Variants in KIF13B observed in about 807,000 individuals in gnomAD.
The protein encoded by KIF13B is kinesin-like protein KIF13B.
KIF13B carries 127 observed loss-of-function variants against 222.0 expected under a neutral mutation model. That is an observed-to-expected ratio of 0.57 (90% CI 0.50 to 0.66). The LOEUF (loss-of-function observed/expected upper bound fraction) is 0.66. Ranked by LOEUF, KIF13B falls within the 30% of genes least tolerant of loss-of-function variation. The pLI is 0.00. For missense variants in KIF13B, 2,173 were observed against 2,379.0 expected (o/e 0.91, Z 1.80); for synonymous variants, 976 against 919.0 (o/e 1.06, Z -1.12).
At chr8:29,083,790 C>T (rs1405107753) in intron 37 of KIF13B, among the ~76,000 whole-genome samples, 1 of 152,056 alleles carries the variant, frequency 6.6e-6, no homozygotes, top group African/African-American at 2.4e-5. Context: ...ATACAGCACA[C>T]TATATCTATA....
At chr8:29,092,378 T>G (rs904897790) in intron 37 of KIF13B, among the ~76,000 whole-genome samples, 3 of 152,212 alleles carry the variant, frequency 2.0e-5, no homozygotes, top group East Asian at 3.9e-4. Flanking sequence ...GATATAAAAT[T>G]GTTTGAAAAA....
intron 8 of KIF13B, 61 bp from the exon 9 acceptor site, chr8:29,177,639 T>G (rs1043841275): frequency 2.7e-6 from 3 of 1,113,822 alleles, no homozygotes; most frequent in South Asian, 2.5e-5. Flanking sequence ...TGGTGGCTCA[T>G]GCCAGTAATC....
chr8:29,242,256 A>G (rs1361945055), intron 2 of KIF13B, among the ~76,000 whole-genome samples: 1 of 152,142 alleles, frequency 6.6e-6, no homozygotes, highest in East Asian at 1.9e-4. Flanking sequence ...AAAAACAAAC[A>G]ACAACAACAA....
intron 37 of KIF13B, among the ~76,000 whole-genome samples, chr8:29,089,106 GT>G (rs1461050606): frequency 6.6e-6 from 1 of 152,156 alleles, no homozygotes; most frequent in Non-Finnish European, 1.5e-5. Flanking sequence ...TGTAAACACA[GT>G]CCTGTCTACC....
intron 14 of KIF13B, among the ~76,000 whole-genome samples, chr8:29,153,680 C>CAAA (rs11422906): frequency 7.1e-6 from 1 of 140,682 alleles, no homozygotes; most frequent in African/African-American, 2.6e-5. Context: ...TAACTCCTGC[C>CAAA]AAAAAAAAAA....
intron 2 of KIF13B, among the ~76,000 whole-genome samples, chr8:29,240,344 G>A (rs903188063): frequency 1.2e-4 from 18 of 147,282 alleles, no homozygotes; most frequent in Admixed American, 5.4e-4. Flanking sequence ...AAAAAAAGCC[G>A]CTTTCACGTA....
chr8:29,132,454 A>T lies in KIF13B; in HGVS notation c.2796T>A (p.Val932=), dbSNP rs373624764. 6.6e-7 allele frequency: 1 copy of T among 1,521,140 alleles called. No homozygotes were observed. 94.2% of individuals were successfully genotyped at this position (1,521,140 alleles called of 1,614,324 possible). Residue 932 remains valine (V), a synonymous_variant, in exon 23 of 40, where the codon GTT becomes GTA. Transcript: ENST00000524189. ...GCTCGATAAAGTCTTCGGTGATGTT[A>T]ACAGAAAACTCCTGAAACACAACAG... ...VVFDHCNEFS[V]NITEDFIEHL... is the part of the protein sequence containing the mutation.
intron 38 of KIF13B, among the ~76,000 whole-genome samples, chr8:29,074,869 T>C (rs1807479049): frequency 6.6e-6 from 1 of 152,262 alleles, no homozygotes; most frequent in Non-Finnish European, 1.5e-5. Context: ...AGAAGTGCTG[T>C]TGATCTGTGG....
rs376841277 is a variant in KIF13B, at chr8:29,134,115, G to C, written c.2709C>G (p.Val903=). The C allele has an allele frequency of 6.2e-7, 1 of 1,613,876 alleles. No homozygotes were observed. Among genetic ancestry groups the C allele is most frequent in the South Asian group, 1.1e-5 (1 of 91,076 alleles). The change falls in exon 22 of 40, where the codon GTC becomes GTG. Residue 903 remains valine (V), a synonymous_variant. Transcript: ENST00000524189. ...SFWDQQEPVI[V]APEVDTSSSS... ...AGGAGGAGGTGTCCACTTCAGGAGCGACAATCACCGGCTCCTGTTGATCCC... is the reference window on the plus strand; with the variant it reads ...AGGAGGAGGTGTCCACTTCAGGAGCCACAATCACCGGCTCCTGTTGATCCC...
intron 1 of KIF13B, among the ~76,000 whole-genome samples, chr8:29,248,939 G>A (rs1816159704): frequency 6.6e-6 from 1 of 152,162 alleles, no homozygotes; most frequent in African/African-American, 2.4e-5. Context: ...AAAATTGATT[G>A]TGCTGATGGC....
At chr8:29,098,961 T>C (rs1808666839) in intron 36 of KIF13B, among the ~76,000 whole-genome samples, 172 bp downstream of exon 36, 1 of 152,142 alleles carries the variant, frequency 6.6e-6, no homozygotes, top group Admixed American at 6.5e-5. Flanking sequence ...CAATGCAAGA[T>C]CAATCCAACA....
At chr8:29,184,665 A>G (rs1242210208) in intron 6 of KIF13B, among the ~76,000 whole-genome samples, 1 of 152,188 alleles carries the variant, frequency 6.6e-6, no homozygotes, top group African/African-American at 2.4e-5. Flanking sequence ...ACCCAAGACA[A>G]ACATAGGAGA....
chr8:29,256,908 C>T (rs984588947), intron 1 of KIF13B, among the ~76,000 whole-genome samples: 1 of 152,122 alleles, frequency 6.6e-6, no homozygotes, highest in Non-Finnish European at 1.5e-5. Context: ...GCACTCACCA[C>T]CACACCCAGC....
At chr8:29,166,844 A>G (rs1199566816) in intron 11 of KIF13B, among the ~76,000 whole-genome samples, 1 of 152,256 alleles carries the variant, frequency 6.6e-6, no homozygotes, top group Non-Finnish European at 1.5e-5. Context: ...CAGAATACAC[A>G]GAAAACAGCT....
intron 2 of KIF13B, among the ~76,000 whole-genome samples, chr8:29,232,746 C>T (rs1183306459): frequency 6.6e-6 from 1 of 152,178 alleles, no homozygotes; most frequent in Non-Finnish European, 1.5e-5. Context: ...TTTCCAGGAT[C>T]CATCATAGAT....
intron 30 of KIF13B, among the ~76,000 whole-genome samples, chr8:29,117,215 G>C (rs1275925093): frequency 2.0e-5 from 3 of 152,134 alleles, no homozygotes; most frequent in Non-Finnish European, 4.4e-5. Flanking sequence ...GATGATCCTG[G>C]CTGGCTTACT....
chr8:29,251,441 G>A (rs1326877467), intron 1 of KIF13B, among the ~76,000 whole-genome samples: 1 of 152,200 alleles, frequency 6.6e-6, no homozygotes, highest in East Asian at 1.9e-4. Context: ...AAAGTATTCA[G>A]CCTTAAAAAG....
intron 1 of KIF13B, among the ~76,000 whole-genome samples, chr8:29,246,793 T>C (rs1586982492): frequency 6.6e-6 from 1 of 152,152 alleles, no homozygotes; most frequent in Admixed American, 6.5e-5. Context: ...CAGAAATATA[T>C]ACTGTCACAT....
chr8:29,140,206 G>A lies in KIF13B; in HGVS notation c.2485-15C>T. 2 of 1,613,000 alleles carry A rather than the reference G, an allele frequency of 1.2e-6. No individual in the cohort carries two copies. The highest frequency in any genetic ancestry group is 1.7e-6 in the Non-Finnish European group (2 of 1,179,692). On this transcript the variant is annotated splice_polypyrimidine_tract_variant and intron_variant, in intron 20 of 39. Coordinates refer to ENST00000524189, the MANE Select transcript of KIF13B (RefSeq NM_015254.4). ...CGACCTGCCACCTGCAGCAATGAGGGAAGGCAGAAACATTTCTCCAGATTT... is the reference window on the plus strand; with the variant it reads ...CGACCTGCCACCTGCAGCAATGAGGAAAGGCAGAAACATTTCTCCAGATTT...
Sources: gnomAD v4.1 joint callset for allele counts (sites outside exome capture counted in the v4.1 genomes callset) on GRCh38, gnomAD v4.1.1 for gene constraint, MANE v1.5 for transcripts, NCBI Gene and HGNC (gene_info 2026-07-23, HGNC 2026-07-21) for gene names.